The following GPNMB variants were observed in gnomAD, a reference collection of about 807,000 sequenced individuals.
The protein encoded by GPNMB is transmembrane glycoprotein NMB.
GPNMB carries 71 observed loss-of-function variants against 57.3 expected under a neutral mutation model. The observed-to-expected ratio is 1.24, with a 90% CI of 1.02 to 1.51. The LOEUF (loss-of-function observed/expected upper bound fraction) is 1.51, where lower values mean the gene tolerates loss of function less well. Ranked by LOEUF, GPNMB falls within the 40% of genes most tolerant of loss-of-function variation. The pLI is 0.00. For missense variants in GPNMB, 677 were observed against 691.9 expected (o/e 0.98, Z 0.24); for synonymous variants, 253 against 263.2 (o/e 0.96, Z 0.38).
At chr7:23,263,199 A>G (rs1200050426) in intron 6 of GPNMB, among the ~76,000 whole-genome samples, 3 of 152,170 alleles carry the variant, frequency 2.0e-5, no homozygotes, top group African/African-American at 7.2e-5. Flanking sequence ...TTTTTATTAA[A>G]CTAGCTTGTT....
chr7:23,247,045 T>C (rs1583808780), intron 1 of GPNMB, 118 bp downstream of exon 1: 5 of 778,984 alleles, frequency 6.4e-6, no homozygotes, highest in Non-Finnish European at 1.1e-5. Flanking sequence ...CTTTCATCTC[T>C]GGCTCACTCA....
Position 23,266,669 on chromosome 7 carries a change from C to T in GPNMB, c.1117+54C>T, listed in dbSNP as rs978813667. The T allele has an allele frequency of 3.2e-6, 5 of 1,539,588 alleles. No homozygotes were observed. The Admixed American group carries it at 5.3e-5, about 16-fold the overall frequency. ...AAGGATGCTAGACTCCACCTAGGGTCACCCACTCTCTCTGCTAACTCTGAA... is the reference window on the plus strand; with the variant it reads ...AAGGATGCTAGACTCCACCTAGGGTTACCCACTCTCTCTGCTAACTCTGAA... On this transcript the variant is annotated intron_variant, in intron 7 of 10. Transcript: ENST00000258733.
At chr7:23,264,146 C>T (rs79695145) in intron 6 of GPNMB, among the ~76,000 whole-genome samples, 4,411 of 149,216 alleles carry the variant, frequency 0.03, 196 homozygotes, top group East Asian at 0.13. Context: ...TACTGTAATA[C>T]TCTCTCTATA....
chr7:23,267,719 A>T (rs781344096), intron 7 of GPNMB, among the ~76,000 whole-genome samples, 167 bp from the exon 8 acceptor site: 5 of 152,044 alleles, frequency 3.3e-5, no homozygotes, highest in Non-Finnish European at 5.9e-5. Flanking sequence ...CACCCTCATG[A>T]CCTAACTACC....
intron 9 of GPNMB, among the ~76,000 whole-genome samples, chr7:23,272,083 C>G (rs1480729045): frequency 6.6e-6 from 1 of 152,092 alleles, no homozygotes; most frequent in Non-Finnish European, 1.5e-5. Flanking sequence ...ACCTCTGCAT[C>G]CAAGTGGCCA....
At chr7:23,266,322 TATA>T in intron 6 of GPNMB, 192 bp from the exon 7 acceptor site, 1 of 578,368 alleles carries the variant, frequency 1.7e-6, no homozygotes, top group Non-Finnish European at 3.0e-6. Flanking sequence ...ATTTAGCAAT[TATA>T]ATACCTTATA....
rs2128481254 is a variant in GPNMB, at chr7:23,253,359, C to T, written c.123C>T (p.His41=). ...NERPSAYMRE[H]NQLNGWSSDE... is the part of the protein sequence containing the mutation. ...GACCTTCTGCTTACATGAGGGAGCA[C>T]AATCAATTAAATGGCTGGTCTTCTG... The change falls in exon 2 of 11, where the codon CAC becomes CAT. Residue 41 remains histidine (H), a synonymous_variant. Coordinates refer to ENST00000258733, the MANE Select transcript of GPNMB (RefSeq NM_002510.3). 1 of 1,613,314 alleles carries T rather than the reference C, an allele frequency of 6.2e-7. No individual in the cohort carries two copies. The highest frequency in any genetic ancestry group is 2.2e-5 in the East Asian group (1 of 44,884).
At chr7:23,263,127 AG>A (rs984519048) in intron 6 of GPNMB, among the ~76,000 whole-genome samples, 2 of 152,212 alleles carry the variant, frequency 1.3e-5, no homozygotes, top group African/African-American at 4.8e-5. Context: ...TTAATATTTA[AG>A]TTCCAGAATG....
chr7:23,269,694 C>T (rs1783151678), intron 8 of GPNMB, among the ~76,000 whole-genome samples: 1 of 152,130 alleles, frequency 6.6e-6, no homozygotes, highest in African/African-American at 2.4e-5. Context: ...ACGTGGTTTC[C>T]ATCAGCCCCT....
Position 23,257,017 on chromosome 7 carries a change from C to T in GPNMB, c.493C>T (p.His165Tyr), listed in dbSNP as rs1782797442. The change falls in exon 4 of 11, where the codon CAC (histidine) becomes TAC (tyrosine). Residue 165 changes from histidine (H) to tyrosine (Y), a missense_variant. His to Tyr is a moderately conservative substitution (Grantham distance 83, BLOSUM62 2). Transcript: ENST00000258733. ...VFPDGKPFPH[H>Y]PGWRRWNFIY... is the part of the protein sequence containing the mutation. ...CCCTGATGGGAAACCTTTTCCTCAC[C>T]ACCCCGGATGGAGAAGATGGAATTT... The T allele has an allele frequency of 6.2e-7, 1 of 1,614,076 alleles. No individual in the cohort carries two copies. The highest frequency in any genetic ancestry group is 1.1e-5 in the South Asian group (1 of 91,096).
At chr7:23,252,892 GGA>G (rs1782691443) in intron 1 of GPNMB, among the ~76,000 whole-genome samples, 1 of 152,104 alleles carries the variant, frequency 6.6e-6, no homozygotes, top group Non-Finnish European at 1.5e-5. Context: ...CGTGTCGCTT[GGA>G]ATCTTGAAGG....
At chr7:23,274,021 A>G (rs932915846) in intron 10 of GPNMB, 44 bp from the exon 11 acceptor site, 1 of 1,457,232 alleles carries the variant, frequency 6.9e-7, no homozygotes, top group East Asian at 2.3e-5. Flanking sequence ...GTATATTTCA[A>G]CTGAAGATCT....
intron 9 of GPNMB, among the ~76,000 whole-genome samples, chr7:23,270,843 T>C (rs1477007138): frequency 1.3e-5 from 2 of 152,092 alleles, no homozygotes; most frequent in East Asian, 3.9e-4. Flanking sequence ...GCATCCAACT[T>C]CCCCCAACCT....
At chr7:23,261,548 G>GCCC (rs1465939631) in intron 6 of GPNMB, among the ~76,000 whole-genome samples, 3 of 152,070 alleles carry the variant, frequency 2.0e-5, no homozygotes, top group Non-Finnish European at 4.4e-5. Context: ...ACCAAACGCC[G>GCCC]CATGTTCTCA....
intron 1 of GPNMB, among the ~76,000 whole-genome samples, chr7:23,251,457 T>A (rs533756045): frequency 6.6e-6 from 1 of 152,344 alleles, no homozygotes; most frequent in East Asian, 1.9e-4. Flanking sequence ...ATAATTGAGC[T>A]TTGGGCTGTA....
chr7:23,274,529 G>A lies in GPNMB; in HGVS notation c.*305G>A. 1 of 211,890 alleles carries A rather than the reference G, an allele frequency of 4.7e-6. No individual in the cohort carries two copies. Among genetic ancestry groups the A allele is most frequent in the Non-Finnish European group, 9.4e-6 (1 of 106,666 alleles). 13.1% of individuals were successfully genotyped at this position (211,890 alleles called of 1,614,324 possible). On this transcript the variant is annotated 3_prime_UTR_variant, in exon 11 of 11. Transcript: ENST00000258733. ...AGAAACACTGTGTCCCGAGAGTAAG[G>A]AGAGAAGCTACTATTGATTAGAGCC...
At chr7:23,251,398 A>G (rs1448219875) in intron 1 of GPNMB, among the ~76,000 whole-genome samples, 3 of 152,252 alleles carry the variant, frequency 2.0e-5, no homozygotes, top group African/African-American at 4.8e-5. Flanking sequence ...ACATAGAACC[A>G]CAGAAATTAA....
At chr7:23,259,139 C>A (rs2128482497) in intron 4 of GPNMB, among the ~76,000 whole-genome samples, 1 of 152,238 alleles carries the variant, frequency 6.6e-6, no homozygotes, top group African/African-American at 2.4e-5. Context: ...GTGGAACCAC[C>A]CCATTCTGTT....
chr7:23,247,749 G>A (rs1473520399), intron 1 of GPNMB: 2 of 152,248 alleles, frequency 1.3e-5, no homozygotes, highest in Non-Finnish European at 2.9e-5. Context: ...AGGAGACCCC[G>A]CGGCCGCGCC....
Sources: gnomAD v4.1 joint callset for allele counts (sites outside exome capture counted in the v4.1 genomes callset) on GRCh38, gnomAD v4.1.1 for gene constraint, MANE v1.5 for transcripts, NCBI Gene and HGNC (gene_info 2026-07-23, HGNC 2026-07-21) for gene names.